Variants in PSMA1 observed in about 807,000 individuals in gnomAD.
PSMA1 encodes proteasome subunit alpha type-1.
A neutral mutation model predicts 38.4 loss-of-function variants in PSMA1; 3 were observed. That is an observed-to-expected ratio of 0.08 (90% confidence interval 0.04 to 0.20). The LOEUF is 0.20. Among genes scored for constraint, PSMA1 ranks in the 10% least tolerant of loss-of-function variants. The probability of loss-of-function intolerance (pLI) is 1.00; values close to 1 mark genes in which losing one functional copy is unlikely to be tolerated. For missense variants in PSMA1, 227 were observed against 325.3 expected (o/e 0.70, Z 2.32); for synonymous variants, 101 against 107.1 (o/e 0.94, Z 0.35).
intron 1 of PSMA1, among the ~76,000 whole-genome samples, chr11:14,634,569 T>G (rs2133723376): frequency 6.6e-6 from 1 of 152,134 alleles, no homozygotes; most frequent in Admixed American, 6.5e-5. Context: ...AGTCTTGAAC[T>G]CCTGGCCTCA....
At chr11:14,590,579 T>C (rs1852401243) in intron 2 of PSMA1, among the ~76,000 whole-genome samples, 2 of 152,190 alleles carry the variant, frequency 1.3e-5, no homozygotes, top group Admixed American at 1.3e-4. Flanking sequence ...ACAATGTCTT[T>C]AAGATGTAGA....
upstream of PSMA1, among the ~76,000 whole-genome samples, chr11:14,521,185 T>A (rs942565947): frequency 2.2e-4 from 34 of 152,166 alleles, no homozygotes; most frequent in African/African-American, 6.8e-4. Flanking sequence ...AGACTGGGTG[T>A]GGTGGCTCAC....
chr11:14,592,075 C>T (rs1297298750), intron 2 of PSMA1, among the ~76,000 whole-genome samples: 3 of 152,022 alleles, frequency 2.0e-5, no homozygotes, highest in Middle Eastern at 3.4e-3. Flanking sequence ...ACACTCACTG[C>T]GAAGGTCTGC....
At chr11:14,630,123 G>A (rs1238371235) in intron 1 of PSMA1, among the ~76,000 whole-genome samples, 3 of 152,244 alleles carry the variant, frequency 2.0e-5, no homozygotes, top group African/African-American at 4.8e-5. Flanking sequence ...GGGACAATTT[G>A]ACTTCCTCTT....
chr11:14,599,991 G>A (rs1293751202), intron 2 of PSMA1, among the ~76,000 whole-genome samples: 2 of 152,202 alleles, frequency 1.3e-5, no homozygotes, highest in Non-Finnish European at 2.9e-5. Flanking sequence ...CCTCCTAACA[G>A]TCAAGTCCCT....
intron 1 of PSMA1, among the ~76,000 whole-genome samples, chr11:14,627,798 T>A (rs1401649726): frequency 6.6e-6 from 1 of 152,256 alleles, no homozygotes; most frequent in African/African-American, 2.4e-5. Flanking sequence ...ACTTTCATTT[T>A]TATGCCTTTT....
chr11:14,589,409 ATGTGTATATATATG>A (rs1220582686), intron 2 of PSMA1, among the ~76,000 whole-genome samples: 2 of 147,180 alleles, frequency 1.4e-5, no homozygotes, highest in Admixed American at 6.7e-5. Context: ...GTATATATAT[ATGTGTATATATATG>A]TGTGTATATA....
At chr11:14,528,140 A>G (rs1438298624) in intron 2 of PSMA1, among the ~76,000 whole-genome samples, 1 of 152,038 alleles carries the variant, frequency 6.6e-6, no homozygotes, top group Non-Finnish European at 1.5e-5. Context: ...ATATTTTTAA[A>G]TGAAGAGTGC....
At chr11:14,631,821 C>A (rs1293546357) in intron 1 of PSMA1, among the ~76,000 whole-genome samples, 3 of 151,518 alleles carry the variant, frequency 2.0e-5, no homozygotes, top group East Asian at 3.9e-4. Flanking sequence ...GTAGGTCACT[C>A]AGGACTTGCT....
intron 2 of PSMA1, among the ~76,000 whole-genome samples, chr11:14,569,297 G>A (rs1236566596): frequency 1.3e-5 from 2 of 152,166 alleles, no homozygotes; most frequent in Non-Finnish European, 2.9e-5. Flanking sequence ...CCCAGCATGA[G>A]CGACGCAGAA....
chr11:14,549,656 G>A (rs528017552), intron 2 of PSMA1, among the ~76,000 whole-genome samples: 3 of 150,466 alleles, frequency 2.0e-5, no homozygotes, highest in South Asian at 4.2e-4. Context: ...AGCCGAGATC[G>A]TGCCACTGCA....
At chr11:14,632,584 T>C (rs971312999) in intron 1 of PSMA1, among the ~76,000 whole-genome samples, 10 of 151,154 alleles carry the variant, frequency 6.6e-5, no homozygotes, top group East Asian at 3.9e-4. Flanking sequence ...ACCTTTCTCT[T>C]TGGCTGCCCT....
intron 2 of PSMA1, among the ~76,000 whole-genome samples, chr11:14,531,230 T>C (rs1851644633): frequency 6.6e-6 from 1 of 152,188 alleles, no homozygotes; most frequent in Admixed American, 6.5e-5. Flanking sequence ...GGTGTACAAA[T>C]GATTTCATCA....
intron 1 of PSMA1, among the ~76,000 whole-genome samples, chr11:14,636,314 A>G (rs1258329979): frequency 6.6e-6 from 1 of 151,992 alleles, no homozygotes; most frequent in East Asian, 1.9e-4. Context: ...ATCTTTTTAG[A>G]ATGTGGTATT....
chr11:14,629,760 G>A (rs998413124), intron 1 of PSMA1, among the ~76,000 whole-genome samples: 1 of 150,600 alleles, frequency 6.6e-6, no homozygotes, highest in African/African-American at 2.4e-5. Flanking sequence ...ACCTTGGGCA[G>A]TATGGCCATT....
chr11:14,544,133 G>A (rs1275712216), intron 2 of PSMA1, among the ~76,000 whole-genome samples: 1 of 152,148 alleles, frequency 6.6e-6, no homozygotes, highest in Non-Finnish European at 1.5e-5. Flanking sequence ...GGGCTCAAGC[G>A]ATCCTCCCAA....
At chr11:14,507,837 G>A in intron 8 of PSMA1, 71 bp from the exon 9 acceptor site, 12 of 997,786 alleles carry the variant, frequency 1.2e-5, no homozygotes, top group South Asian at 4.4e-5. Flanking sequence ...TAAAATATTG[G>A]GTGAAAAAAG....
intron 2 of PSMA1, among the ~76,000 whole-genome samples, chr11:14,571,262 A>G (rs936306337): frequency 3.9e-5 from 6 of 152,142 alleles, no homozygotes; most frequent in Admixed American, 2.6e-4. Context: ...ATGGCGTTTC[A>G]CCATGTTAGC....
intron 2 of PSMA1, among the ~76,000 whole-genome samples, chr11:14,608,945 A>G (rs1852676864): frequency 6.6e-6 from 1 of 152,158 alleles, no homozygotes; most frequent in African/African-American, 2.4e-5. Flanking sequence ...AAATTAAAGT[A>G]CAAAACTTGT....
Sources: gnomAD v4.1 joint callset for allele counts (sites outside exome capture counted in the v4.1 genomes callset) on GRCh38, gnomAD v4.1.1 for gene constraint, MANE v1.5 for transcripts, NCBI Gene and HGNC (gene_info 2026-07-23, HGNC 2026-07-21) for gene names.